The following COPS9 variants were observed in gnomAD, a reference collection of about 807,000 sequenced individuals.
COPS9 encodes the protein COP9 signalosome complex subunit 9.
Under a neutral mutation model 7.2 loss-of-function variants are expected in COPS9, and 8 were observed. The ratio of observed to expected loss-of-function variants is 1.11; its 90% CI spans 0.65 to 2.00. The LOEUF (loss-of-function observed/expected upper bound fraction) is 2.00, where lower values mean the gene tolerates loss of function less well. COPS9 is among the 30% of genes most tolerant of loss of function. The pLI, the probability that COPS9 is intolerant of heterozygous loss-of-function variation, is 0.00. For missense variants in COPS9, 74 were observed against 77.7 expected, an observed-to-expected ratio of 0.95 and a Z score of 0.18; for synonymous variants, 39 against 28.7, an observed-to-expected ratio of 1.36 and a Z score of -1.14.
chr2:240,136,099 G>A, intron 1 of COPS9, 123 bp downstream of exon 1: 1 of 1,308,008 alleles, frequency 7.6e-7, no homozygotes, highest in Non-Finnish European at 9.8e-7. Context: ...GGGAGCCTGG[G>A]AGCCGCGCCC....
chr2:240,136,052 G>C, intron 1 of COPS9, 170 bp downstream of exon 1: 1 of 1,117,940 alleles, frequency 8.9e-7, no homozygotes, highest in Non-Finnish European at 1.2e-6. Flanking sequence ...CTTTCACCAG[G>C]TGCTCGGAGA....
downstream of COPS9, chr2:240,126,998 G>C: frequency 2.5e-6 from 4 of 1,575,296 alleles, no homozygotes; most frequent in Non-Finnish European, 3.4e-6. Context: ...GTTTGCCTCT[G>C]GAATTCCGAG....
At chr2:240,136,098 G>C (rs1427788641) in intron 1 of COPS9, 124 bp downstream of exon 1, 28 of 1,304,992 alleles carry the variant, frequency 2.1e-5, no homozygotes, top group Non-Finnish European at 1.1e-5. Flanking sequence ...AGGGAGCCTG[G>C]GAGCCGCGCC....
chr2:240,135,886 G>A lies in COPS9; in HGVS notation c.63+336C>T, dbSNP rs377758983. The A allele has an allele frequency of 1.4e-3, 435 of 306,762 alleles. 8 individuals carry two copies. In the South Asian group the frequency reaches 0.034, roughly 24 times the overall value. 19.0% of individuals were successfully genotyped at this position (306,762 alleles called of 1,614,324 possible). A position where few individuals can be genotyped will look rare whatever the true frequency, so the allele number is the denominator to read the frequency against. On this transcript the variant is annotated intron_variant, in intron 1 of 2. Coordinates refer to ENST00000607357, the MANE Select transcript of COPS9 (RefSeq NM_001163424.2). Reference sequence around the variant, plus strand: ...GGAGACGCACCGCGGGCCCCCATGGGGTGCTGCAGCCATCGAAGAGCAGCA... The same window carrying A: ...GGAGACGCACCGCGGGCCCCCATGGAGTGCTGCAGCCATCGAAGAGCAGCA...
Position 240,130,961 on chromosome 2 carries a change from G to A in COPS9, c.*90C>T. On this transcript the variant is annotated 3_prime_UTR_variant, in exon 3 of 3. Coordinates refer to ENST00000607357, the MANE Select transcript of COPS9 (RefSeq NM_001163424.2). ...TCCTAAATTCAAGGGATTTCCACGT[G>A]TTCTTTAAAACCACCTGAAACTGTC... The A allele has an allele frequency of 6.5e-7, 1 of 1,541,490 alleles. No homozygotes were observed. Among genetic ancestry groups the A allele is most frequent in the African/African-American group, 1.4e-5 (1 of 73,022 alleles).
chr2:240,126,743 C>G, downstream of COPS9: 1 of 1,614,220 alleles, frequency 6.2e-7, no homozygotes, highest in Non-Finnish European at 8.5e-7. Flanking sequence ...AACTTCCCAG[C>G]CACTTGGATT....
In COPS9 at chr2:240,132,362, T is replaced by C. The variant is rs2071931818; in HGVS notation, c.137-1274A>G. 6.6e-6 allele frequency among the ~76,000 whole-genome samples: 1 copy of C among 151,916 alleles called. No individual in the cohort carries two copies. Among genetic ancestry groups the C allele is most frequent in the Non-Finnish European group, 1.5e-5 (1 of 67,982 alleles). On this transcript the variant is annotated intron_variant, in intron 2 of 2. Transcript: ENST00000607357. This position sits in a 1 kb window ranked among gnomAD's most constrained non-coding sequence, Gnocchi z 4.1. Reference sequence around the variant, plus strand: ...AAGCCTCATCCACAGCCCACAGAGGTCTCTCAAAGTAAATGGCTTCTTGAA... The same window carrying C: ...AAGCCTCATCCACAGCCCACAGAGGCCTCTCAAAGTAAATGGCTTCTTGAA...
downstream of COPS9, among the ~76,000 whole-genome samples, chr2:240,127,316 C>G (rs1336698563): frequency 6.6e-6 from 1 of 151,616 alleles, no homozygotes; most frequent in Non-Finnish European, 1.5e-5. Flanking sequence ...CCAAACCACC[C>G]AGAGGCAGTT....
chr2:240,126,789 C>A, downstream of COPS9: 2 of 1,614,216 alleles, frequency 1.2e-6, no homozygotes, highest in East Asian at 2.2e-5. Context: ...GCGTCCTGTG[C>A]CCATTTTCCC....
intron 1 of COPS9, 93 bp from the exon 2 acceptor site, chr2:240,134,098 A>C: frequency 8.5e-7 from 1 of 1,177,004 alleles, no homozygotes. Flanking sequence ...ACAAAAAAAG[A>C]AGATGGGTGA....
In COPS9 at chr2:240,131,047, C is replaced by T. The variant is rs1321106049; in HGVS notation, c.*4G>A. The T allele has an allele frequency of 1.2e-6, 2 of 1,613,006 alleles. No individual in the cohort carries two copies. The highest frequency in any genetic ancestry group is 1.3e-5 in the African/African-American group (1 of 75,058). Reference sequence around the variant, plus strand: ...CTTGGCCCCGCCTGCAGCCAGAGGGCATCTCACTGGATGTCATCATCATCA... The same window carrying T: ...CTTGGCCCCGCCTGCAGCCAGAGGGTATCTCACTGGATGTCATCATCATCA... On this transcript the variant is annotated 3_prime_UTR_variant, in exon 3 of 3. Coordinates refer to ENST00000607357, the MANE Select transcript of COPS9 (RefSeq NM_001163424.2).
At chr2:240,135,347 G>A (rs1016815931) in intron 1 of COPS9, among the ~76,000 whole-genome samples, 5 of 152,172 alleles carry the variant, frequency 3.3e-5, no homozygotes, top group African/African-American at 1.2e-4. Context: ...AAAGCCCTGA[G>A]GGTCCATCCG....
chr2:240,128,187 T>C (rs2106554334), downstream of COPS9, among the ~76,000 whole-genome samples: 1 of 152,318 alleles, frequency 6.6e-6, no homozygotes, highest in Admixed American at 6.5e-5. Context: ...ACAGTCCCCT[T>C]TGCCACCCTG....
In COPS9 at chr2:240,136,213, C is replaced by G; in HGVS notation, c.63+9G>C. 6.5e-7 allele frequency: 1 copy of G among 1,539,150 alleles called. No individual in the cohort carries two copies. ...CCACGCTCGGAGACTCCCGCCGGGC[C>G]CGTGCCACCTCGTCCAGGTCCACGT... On this transcript the variant is annotated intron_variant, in intron 1 of 2. Coordinates refer to ENST00000607357, the MANE Select transcript of COPS9 (RefSeq NM_001163424.2).
At chr2:240,129,011 G>T (rs563333697), downstream of COPS9, among the ~76,000 whole-genome samples, 17 of 152,320 alleles carry the variant, frequency 1.1e-4, no homozygotes, top group Admixed American at 5.2e-4. Flanking sequence ...GAGCTTCTGG[G>T]GCTCACAGGC....
intron 1 of COPS9, among the ~76,000 whole-genome samples, chr2:240,134,936 C>T (rs1245609631): frequency 6.6e-6 from 1 of 152,132 alleles, no homozygotes; most frequent in Non-Finnish European, 1.5e-5. Flanking sequence ...CAGAGCAAGT[C>T]GGAGCCTCTC....
intron 2 of COPS9, among the ~76,000 whole-genome samples, chr2:240,131,427 A>G (rs1476585360): frequency 6.6e-6 from 1 of 152,250 alleles, no homozygotes; most frequent in Non-Finnish European, 1.5e-5. Context: ...CCACGAGTGC[A>G]CGGGCACCCA....
downstream of COPS9, chr2:240,126,577 T>C (rs773853087): frequency 2.4e-5 from 38 of 1,613,832 alleles, no homozygotes; most frequent in Admixed American, 3.3e-5. Context: ...CTCACATCTA[T>C]GCATGGCTGT....
intron 1 of COPS9, 43 bp downstream of exon 1, chr2:240,136,179 C>T (rs2071989250): frequency 2.0e-6 from 3 of 1,472,972 alleles, no homozygotes; most frequent in Non-Finnish European, 1.8e-6. Flanking sequence ...GCTCCCCCTT[C>T]CCCGCTCCCC....
Sources: gnomAD v4.1 joint callset for allele counts (sites outside exome capture counted in the v4.1 genomes callset) on GRCh38, gnomAD v4.1.1 for gene constraint, Gnocchi (gnomAD v3.1) non-coding constraint, MANE v1.5 for transcripts, NCBI Gene and HGNC (gene_info 2026-07-23, HGNC 2026-07-21) for gene names.